USP13: variants seen among roughly 807,000 people sequenced by gnomAD.
USP13 encodes the protein ubiquitin carboxyl-terminal hydrolase 13.
USP13 carries 68 observed loss-of-function variants against 107.8 expected under a neutral mutation model. That is an observed-to-expected ratio of 0.63 (90% CI 0.52 to 0.77). The LOEUF is 0.77. USP13 is among the 30% of genes least tolerant of loss of function. The pLI is 0.00. For missense variants in USP13, 945 were observed against 1,093.3 expected (o/e 0.86, Z 1.91); for synonymous variants, 377 against 389.5 (o/e 0.97, Z 0.38).
rs965528779 is a variant in USP13 at position 179,715,053 on chromosome 3, A to AT, written c.806-4878dup. On this transcript the variant is annotated intron_variant, in intron 6 of 20. Coordinates refer to ENST00000263966, the MANE Select transcript of USP13 (RefSeq NM_003940.3). ...CTCCATACTCGGCTAATTTTTTTCC[A>AT]TTTTTTTTTGTAGAAATGGAGTCTT... Among the ~76,000 whole-genome samples, 143 of 146,606 alleles carry AT rather than the reference A, an allele frequency of 9.8e-4. 2 individuals carry two copies. Among genetic ancestry groups the AT allele is most frequent in the South Asian group, 1.5e-3 (7 of 4,588 alleles).
chr3:179,670,286 T>A (rs1023922748), intron 1 of USP13, among the ~76,000 whole-genome samples: 1 of 152,198 alleles, frequency 6.6e-6, no homozygotes, highest in Admixed American at 6.5e-5. Flanking sequence ...GCGTGTTGCC[T>A]GTCTCTCTTT....
chr3:179,672,380 C>CT (rs993221171), intron 1 of USP13, among the ~76,000 whole-genome samples: 3 of 147,854 alleles, frequency 2.0e-5, no homozygotes, highest in Admixed American at 6.7e-5. Context: ...CTTTCTTTTT[C>CT]TTTTTTTTTC....
intron 16 of USP13, 53 bp downstream of exon 16, chr3:179,757,131 T>C: frequency 6.3e-7 from 1 of 1,588,734 alleles, no homozygotes; most frequent in Non-Finnish European, 8.6e-7. Flanking sequence ...ATTAATCTGA[T>C]GAATTTGTCT....
At position 179,653,468 on chromosome 3, in the gene USP13, A is replaced by AGTGGCGGCC; in HGVS notation, c.168+77_168+85dup. Reference sequence around the variant, plus strand: ...CGTGAAGCCGGGGGAGAAGATGCGCAGTGGCGGCCGGGACCTCTTCTCTTC... The same window carrying AGTGGCGGCC: ...CGTGAAGCCGGGGGAGAAGATGCGCAGTGGCGGCCGTGGCGGCCGGGACCTCTTCTCTTC... On this transcript the variant is annotated intron_variant, in intron 1 of 20. Coordinates refer to ENST00000263966, the MANE Select transcript of USP13 (RefSeq NM_003940.3). The surrounding 1 kb of genome is among the most constrained non-coding windows in gnomAD (Gnocchi z 4.0). The AGTGGCGGCC allele has an allele frequency of 6.6e-7, 1 of 1,507,464 alleles. No homozygotes were observed. The highest frequency in any genetic ancestry group is 1.3e-5 in the South Asian group (1 of 79,636). The allele number at this position is 1,507,464 out of a possible 1,614,324, so 93.4% of individuals were successfully genotyped here.
chr3:179,764,024 G>A lies in USP13; in HGVS notation c.2115G>A (p.Met705Ile). ...CAGATTTTGCTGAGCCGCTGACCATGCCTGGTTATGGAGGGGCAGCTTCTG... is the reference window on the plus strand; with the variant it reads ...CAGATTTTGCTGAGCCGCTGACCATACCTGGTTATGGAGGGGCAGCTTCTG... ...EEPDFAEPLTMPGYGGAASAG... is the reference protein window; with the variant it reads ...EEPDFAEPLTIPGYGGAASAG... The change falls in exon 18 of 21, where the codon ATG (methionine) becomes ATA (isoleucine). Residue 705 changes from methionine (M) to isoleucine (I), a missense_variant. Transcript: ENST00000263966. The A allele has an allele frequency of 2.5e-6, 4 of 1,612,894 alleles. No individual in the cohort carries two copies. The highest frequency in any genetic ancestry group is 3.4e-6 in the Non-Finnish European group (4 of 1,179,632).
intron 10 of USP13, 148 bp from the exon 11 acceptor site, chr3:179,740,099 G>A (rs1422589771): frequency 9.0e-7 from 1 of 1,106,248 alleles, no homozygotes; most frequent in Non-Finnish European, 1.3e-6. Flanking sequence ...CACCCAGCGA[G>A]TATTGGCCAC....
intron 1 of USP13, among the ~76,000 whole-genome samples, chr3:179,674,901 T>C (rs79514972): frequency 0.01 from 1,559 of 152,162 alleles, 31 homozygotes; most frequent in African/African-American, 0.036. Context: ...AACTAAATGG[T>C]TTTTTAAAAA....
chr3:179,767,363 G>T (rs886854185), intron 19 of USP13, among the ~76,000 whole-genome samples: 4 of 152,056 alleles, frequency 2.6e-5, no homozygotes, highest in Admixed American at 2.0e-4. Context: ...CACAATTCCA[G>T]TGCAGGCAGT....
intron 8 of USP13, among the ~76,000 whole-genome samples, chr3:179,728,219 G>C (rs1713632317): frequency 1.4e-5 from 2 of 143,540 alleles, no homozygotes; most frequent in Non-Finnish European, 1.6e-5. Flanking sequence ...CCACCTCCCT[G>C]CCAGACGAGG....
intron 8 of USP13, among the ~76,000 whole-genome samples, chr3:179,729,290 C>A (rs563206827): frequency 1.3e-5 from 2 of 152,262 alleles, no homozygotes; most frequent in East Asian, 3.9e-4. Context: ...GCAGGCCAGG[C>A]TGGTCAGACA....
At chr3:179,692,821 G>A (rs1156567842) in intron 3 of USP13, among the ~76,000 whole-genome samples, 1 of 152,130 alleles carries the variant, frequency 6.6e-6, no homozygotes, top group Non-Finnish European at 1.5e-5. Flanking sequence ...AGAGGATATT[G>A]TCAGGAAACT....
intron 8 of USP13, among the ~76,000 whole-genome samples, chr3:179,724,706 A>G (rs1019924617): frequency 6.6e-6 from 1 of 152,222 alleles, no homozygotes; most frequent in African/African-American, 2.4e-5. Context: ...AGATTGCTAG[A>G]TAGCAAAACT....
At chr3:179,708,512 C>T (rs966222926) in intron 5 of USP13, among the ~76,000 whole-genome samples, 2 of 152,152 alleles carry the variant, frequency 1.3e-5, no homozygotes, top group East Asian at 3.9e-4. Flanking sequence ...ACGGGGGTTT[C>T]GCCATGTTGG....
At chr3:179,753,902 A>C (rs939101654) in intron 14 of USP13, among the ~76,000 whole-genome samples, 2 of 152,232 alleles carry the variant, frequency 1.3e-5, no homozygotes, top group Non-Finnish European at 2.9e-5. Context: ...TGAATAAGTC[A>C]ACACAATAAC....
intron 4 of USP13, among the ~76,000 whole-genome samples, chr3:179,705,895 G>A (rs139598728): frequency 6.6e-6 from 1 of 152,096 alleles, no homozygotes; most frequent in Admixed American, 6.6e-5. Context: ...GCTAATTTTT[G>A]TATTTTTAGT....
At chr3:179,729,371 G>A (rs1318747416) in intron 8 of USP13, among the ~76,000 whole-genome samples, 1 of 152,244 alleles carries the variant, frequency 6.6e-6, no homozygotes, top group Non-Finnish European at 1.5e-5. Flanking sequence ...CAAGGACAGA[G>A]AGGGAAGCCC....
chr3:179,756,936 G>A, intron 15 of USP13, 116 bp from the exon 16 acceptor site: 1 of 1,017,970 alleles, frequency 9.8e-7, no homozygotes, highest in Non-Finnish European at 1.5e-6. Context: ...ACAACAGTGT[G>A]TGGTCCCCAG....
At chr3:179,670,068 A>T (rs952143255) in intron 1 of USP13, among the ~76,000 whole-genome samples, 1 of 152,022 alleles carries the variant, frequency 6.6e-6, no homozygotes, top group Non-Finnish European at 1.5e-5. Flanking sequence ...CTACCCTCAA[A>T]GCAGTAGCCA....
chr3:179,711,369 C>T (rs1404190641), intron 6 of USP13, among the ~76,000 whole-genome samples: 6 of 152,080 alleles, frequency 3.9e-5, no homozygotes, highest in East Asian at 1.9e-4. Context: ...GCCCCAACCA[C>T]GCCCAGGTAA....
Sources: allele counts gnomAD v4.1 joint callset (sites outside exome capture counted in the v4.1 genomes callset), GRCh38; gene constraint gnomAD v4.1.1; non-coding constraint Gnocchi (gnomAD v3.1); transcripts MANE v1.5; gene names NCBI Gene and HGNC (gene_info 2026-07-23, HGNC 2026-07-21).